The following RYR1 variants were observed in gnomAD, a reference collection of about 807,000 sequenced individuals.
RYR1 encodes the protein ryanodine receptor 1, also known as central core disease of muscle.
Under a neutral mutation model 583.5 loss-of-function variants are expected in RYR1, and 342 were observed. The ratio of observed to expected loss-of-function variants is 0.59; its 90% CI spans 0.54 to 0.64. The LOEUF (loss-of-function observed/expected upper bound fraction) is 0.64, where lower values mean the gene tolerates loss of function less well. Among genes scored for constraint, RYR1 ranks in the 30% least tolerant of loss-of-function variants. The pLI, the probability that RYR1 is intolerant of heterozygous loss-of-function variation, is 0.00. For missense variants in RYR1, 6,032 were observed against 6,917.2 expected, an observed-to-expected ratio of 0.87 and a Z score of 4.54; for synonymous variants, 2,791 against 2,822.5, an observed-to-expected ratio of 0.99 and a Z score of 0.35.
rs57132842 is a variant in RYR1, at chr19:38,444,726, C to G, written c.631+49C>G. 7.1e-7 allele frequency: 1 copy of G among 1,416,902 alleles called. No homozygotes were observed. Among genetic ancestry groups the G allele is most frequent in the East Asian group, 2.4e-5 (1 of 41,948 alleles). The allele number at this position is 1,416,902 out of a possible 1,614,324, so 87.8% of individuals were successfully genotyped here. A position where few individuals can be genotyped will look rare whatever the true frequency, so the allele number is the denominator to read the frequency against. ...AAATGGAGATCCCCCCAAAACAGAC[C>G]CTTAATGTTGCCCTTCAGGCATACC... is the stretch of plus-strand genomic sequence containing the variant. On this transcript the variant is annotated intron_variant, in intron 7 of 105. Coordinates refer to ENST00000359596, the MANE Select transcript of RYR1 (RefSeq NM_000540.3). The surrounding 1 kb of genome is among the most constrained non-coding windows in gnomAD (Gnocchi z 5.1).
Position 38,483,063 on chromosome 19 carries a change from G to A in RYR1, c.4657G>A (p.Val1553Ile), listed in dbSNP as rs775732541. 1.7e-5 allele frequency: 28 copies of A among 1,613,920 alleles called. 1 individual carries two copies. The highest frequency in any genetic ancestry group is 1.7e-4 in the Admixed American group (10 of 59,968). The part of the protein sequence containing the change: ...PNTKLFPAVF[V>I]LPTHQNVIQF... ...CACTAAGCTATTTCCTGCCGTCTTC[G>A]TCCTGCCCACCCACCAGAACGTCAT... is the stretch of plus-strand genomic sequence containing the variant. The change falls in exon 32 of 106, where the codon GTC (valine) becomes ATC (isoleucine). Residue 1553 changes from valine to isoleucine, a missense_variant. Coordinates refer to ENST00000359596, the MANE Select transcript of RYR1 (RefSeq NM_000540.3). This position sits in a 1 kb window ranked among gnomAD's most constrained non-coding sequence, Gnocchi z 6.3.
At position 38,469,306 on chromosome 19, in the gene RYR1, C is replaced by T; in HGVS notation, c.3558C>T (p.Gly1186=). ...TGCCCATCCATCCCCTCCCACCAGG[C>T]TTCCTGCCCGTCTGCAGCTTGGGAC... is the stretch of plus-strand genomic sequence containing the variant. ...TAFREIEIGD[G]FLPVCSLGPG... The change falls in exon 27 of 106, where the codon GGC becomes GGT. Residue 1186 remains glycine, a splice_region_variant and synonymous_variant. Transcript: ENST00000359596. The T allele has an allele frequency of 6.2e-7, 1 of 1,613,890 alleles. No individual in the cohort carries two copies. The highest frequency in any genetic ancestry group is 8.5e-7 in the Non-Finnish European group (1 of 1,180,024).
In RYR1 at chr19:38,444,594, C is replaced by A; in HGVS notation, c.548C>A (p.Thr183Asn). The change falls in exon 7 of 106, where the codon ACC (threonine) becomes AAC (asparagine). Residue 183 changes from threonine (T) to asparagine (N), a missense_variant. This residue lies in a region of RYR1 where 338 missense variants were observed against 441.6 expected (regional missense o/e 0.77). Coordinates refer to ENST00000359596, the MANE Select transcript of RYR1 (RefSeq NM_000540.3). This position sits in a 1 kb window ranked among gnomAD's most constrained non-coding sequence, Gnocchi z 5.1. ...VSSERYLHLS[T>N]ASGELQVDAS... ...CCTGGTGGCCCCCAGCACCTGTCGA[C>A]CGCCAGTGGGGAGCTCCAGGTTGAC... 6.2e-7 allele frequency: 1 copy of A among 1,613,810 alleles called. No homozygotes were observed. Among genetic ancestry groups the A allele is most frequent in the Middle Eastern group, 1.7e-4 (1 of 6,036 alleles).
At position 38,517,540 on chromosome 19, in the gene RYR1, C is replaced by T. The variant is rs774464442; in HGVS notation, c.9867C>T (p.Pro3289=). The T allele has an allele frequency of 3.1e-5, 50 of 1,613,746 alleles. No homozygotes were observed. In the East Asian group the frequency reaches 6.0e-4, roughly 19 times the overall value. Residue 3289 remains proline, a synonymous_variant, in exon 66 of 106, where the codon CCC becomes CCT. Coordinates refer to ENST00000359596, the MANE Select transcript of RYR1 (RefSeq NM_000540.3). ...TGCCCCGATGGTGGGAGCGCGGGCC[C>T]GAGGCACCCCCTTCCGCCCTGCCCG... ...SYLPRWWERG[P]EAPPSALPAG...
At chr19:38,445,949 T>C (rs1433002360) in intron 7 of RYR1, among the ~76,000 whole-genome samples, 2 of 152,146 alleles carry the variant, frequency 1.3e-5, no homozygotes, top group African/African-American at 4.8e-5. Flanking sequence ...ATTGCACCAC[T>C]GCACTGCAGC....
chr19:38,463,616 C>A, intron 21 of RYR1, 89 bp downstream of exon 21: 1 of 1,467,842 alleles, frequency 6.8e-7, no homozygotes, highest in South Asian at 1.1e-5. Flanking sequence ...GAGGGAGGGA[C>A]CACAGGGCAC....
At chr19:38,445,222 C>CAAAAAAAA (rs61419525) in intron 7 of RYR1, among the ~76,000 whole-genome samples, 2 of 48,176 alleles carry the variant, frequency 4.2e-5, no homozygotes, top group Admixed American at 3.8e-4. Context: ...GACTCTGCCT[C>CAAAAAAAA]AAAAAAAAAA....
chr19:38,539,335 G>A (rs1043452790), intron 84 of RYR1, among the ~76,000 whole-genome samples: 2 of 150,920 alleles, frequency 1.3e-5, no homozygotes, highest in Non-Finnish European at 2.9e-5. Context: ...CTGCCTCCTG[G>A]GCTCAAGTAA....
Position 38,483,465 on chromosome 19 carries a change from A to G in RYR1, c.4883A>G (p.Gln1628Arg). The G allele has an allele frequency of 1.3e-6, 2 of 1,566,442 alleles. No individual in the cohort carries two copies. The highest frequency in any genetic ancestry group is 1.7e-6 in the Non-Finnish European group (2 of 1,159,538). ...RAGERLGWAV[Q>R]CQEPLTMMAL... ...GGCGAGCGGCTGGGCTGGGCCGTGCAGTGCCAGGAGCCGCTGACCATGATG... is the reference window on the plus strand; with the variant it reads ...GGCGAGCGGCTGGGCTGGGCCGTGCGGTGCCAGGAGCCGCTGACCATGATG... Residue 1628 changes from glutamine (Q) to arginine (R), a missense_variant, in exon 33 of 106, where the codon CAG (glutamine) becomes CGG (arginine). By Grantham distance (43) the Gln-to-Arg change is conservative. Transcript: ENST00000359596. This position sits in a 1 kb window ranked among gnomAD's most constrained non-coding sequence, Gnocchi z 6.3.
chr19:38,450,589 A>G (rs1231489535), intron 11 of RYR1, among the ~76,000 whole-genome samples: 1 of 152,100 alleles, frequency 6.6e-6, no homozygotes, highest in Non-Finnish European at 1.5e-5. Context: ...AGGGGGCTTT[A>G]CAGATGAGCT....
chr19:38,517,685 C>A lies in RYR1; in HGVS notation c.10012C>A (p.Leu3338Met). 2 of 1,614,166 alleles carry A rather than the reference C, an allele frequency of 1.2e-6. No individual in the cohort carries two copies. The highest frequency in any genetic ancestry group is 8.5e-7 in the Non-Finnish European group (1 of 1,180,018). Residue 3338 changes from leucine to methionine, a missense_variant, in exon 66 of 106, where the codon CTG becomes ATG. Physicochemically the swap from Leu to Met is conservative, Grantham distance 15. Transcript: ENST00000359596. ...TGACGAGGCCTCCTGGATGAAGCGG[C>A]TGGCTGGTGGGTCGGGGGGCACTGG... is the stretch of plus-strand genomic sequence containing the variant. ...GIDEASWMKR[L>M]AVFAQPIVSR...
intron 84 of RYR1, among the ~76,000 whole-genome samples, chr19:38,538,176 T>A (rs1256319292): frequency 6.6e-6 from 1 of 151,978 alleles, no homozygotes; most frequent in Non-Finnish European, 1.5e-5. Flanking sequence ...GGCTGGTGGA[T>A]CTCCTGAGGT....
In RYR1 at chr19:38,506,889, G is replaced by A. The variant is rs1275833910; in HGVS notation, c.8753G>A (p.Arg2918Gln). 1.2e-6 allele frequency: 2 copies of A among 1,613,598 alleles called. No individual in the cohort carries two copies. The highest frequency in any genetic ancestry group is 1.3e-5 in the African/African-American group (1 of 74,904). Residue 2918 changes from arginine (R) to glutamine (Q), a missense_variant, in exon 57 of 106, where the codon CGA (arginine) becomes CAA (glutamine). This residue lies in a region of RYR1 where 1,493 missense variants were observed against 1,715.5 expected (regional missense o/e 0.87). Transcript: ENST00000359596. ...ACGCTCACGGCCAAGGAGAAGGCAC[G>A]AGATCGAGAGAAGGCCCAGGAGCTA... ...YDTLTAKEKARDREKAQELLK... is the reference protein window; with the variant it reads ...YDTLTAKEKAQDREKAQELLK...
In RYR1 at chr19:38,573,032, G is replaced by C. The variant is rs1400537026; in HGVS notation, c.13999-145G>C. On this transcript the variant is annotated intron_variant, in intron 95 of 105. Transcript: ENST00000359596. Reference sequence around the variant, plus strand: ...CATCCCAGCCCTAAGCCCTCTGCCTGGGCCTCATTTCTACCCTTATCACTG... The same window carrying C: ...CATCCCAGCCCTAAGCCCTCTGCCTCGGCCTCATTTCTACCCTTATCACTG... 3.0e-6 allele frequency: 4 copies of C among 1,334,238 alleles called. No individual in the cohort carries two copies. In the East Asian group the frequency reaches 9.7e-5, roughly 32 times the overall value. The allele number at this position is 1,334,238 out of a possible 1,614,324, so 82.6% of individuals were successfully genotyped here.
Position 38,523,925 on chromosome 19 carries a change from T to G in RYR1, c.10451T>G (p.Ile3484Arg). The change falls in exon 70 of 106, where the codon ATA becomes AGA. Residue 3484 changes from isoleucine (I) to arginine (R), a missense_variant. Around this residue, in one of 11 missense-constraint regions of RYR1, gnomAD observed 1,493 missense variants for 1,715.5 expected, o/e 0.87. Coordinates refer to ENST00000359596, the MANE Select transcript of RYR1 (RefSeq NM_000540.3). ...NKSKMAKAGD[I>R]QSGGSDQERT... ...GGTCCGGTGAAGCAGGCGGGAGATA[T>G]ACAGGTCAGCCCCACATCTGGGACC... 1 of 1,613,874 alleles carries G rather than the reference T, an allele frequency of 6.2e-7. No homozygotes were observed. The highest frequency in any genetic ancestry group is 2.2e-5 in the East Asian group (1 of 44,856).
chr19:38,463,388 AC>A, intron 20 of RYR1, 34 bp from the exon 21 acceptor site: 1 of 1,579,796 alleles, frequency 6.3e-7, no homozygotes, highest in Non-Finnish European at 8.7e-7. Flanking sequence ...GGGTAGAGGG[AC>A]CTTGGGGTCT....
In RYR1 at chr19:38,567,805, A is replaced by G. The variant is rs149984626; in HGVS notation, c.13547A>G (p.Glu4516Gly). ...AENGEKEEVP[E>G]PTPEPPKKQA... Reference sequence around the variant, plus strand: ...AATGGGGAGAAGGAAGAAGTTCCCGAGCCCACACCAGAGCCCCCCAAGAAG... The same window carrying G: ...AATGGGGAGAAGGAAGAAGTTCCCGGGCCCACACCAGAGCCCCCCAAGAAG... Residue 4516 changes from glutamate (E) to glycine (G), a missense_variant, in exon 93 of 106, where the codon GAG becomes GGG. By Grantham distance (98) the Glu-to-Gly change is moderately conservative (BLOSUM62 -2). Around this residue, in one of 11 missense-constraint regions of RYR1, gnomAD observed 753 missense variants for 759.6 expected, o/e 0.99. Coordinates refer to ENST00000359596, the MANE Select transcript of RYR1 (RefSeq NM_000540.3). The G allele has an allele frequency of 4.2e-5, 67 of 1,613,952 alleles. No homozygotes were observed. The African/African-American group carries it at 7.5e-4, about 18-fold the overall frequency.
At chr19:38,504,672 G>C in intron 50 of RYR1, 76 bp from the exon 51 acceptor site, 1 of 1,578,368 alleles carries the variant, frequency 6.3e-7, no homozygotes, top group Non-Finnish European at 8.7e-7. Flanking sequence ...GATGATTGCA[G>C]TGTGTGAGTT....
chr19:38,517,151 G>C (rs1044263243), intron 65 of RYR1, among the ~76,000 whole-genome samples: 1 of 152,086 alleles, frequency 6.6e-6, no homozygotes, highest in Non-Finnish European at 1.5e-5. Context: ...AGGCTCGGGG[G>C]TGTGAAGTGT....
Sources: allele counts gnomAD v4.1 joint callset (sites outside exome capture counted in the v4.1 genomes callset), GRCh38; gene constraint gnomAD v4.1.1; regional missense constraint gnomAD v4.1.1; non-coding constraint Gnocchi (gnomAD v3.1); transcripts MANE v1.5; gene names NCBI Gene and HGNC (gene_info 2026-07-23, HGNC 2026-07-21).